The following TMTC2 variants were observed in gnomAD, a reference collection of about 807,000 sequenced individuals.
The protein encoded by TMTC2 is transmembrane O-mannosyltransferase targeting cadherins 2, also known as protein O-mannosyl-transferase TMTC2.
A neutral mutation model predicts 82.4 loss-of-function variants in TMTC2; 43 were observed. That is an observed-to-expected ratio of 0.52 (90% CI 0.41 to 0.67). The LOEUF (loss-of-function observed/expected upper bound fraction) is 0.67, where lower values mean the gene tolerates loss of function less well. Among genes scored for constraint, TMTC2 ranks in the 30% least tolerant of loss-of-function variants. The probability of loss-of-function intolerance (pLI) is 0.00; values close to 1 mark genes in which losing one functional copy is unlikely to be tolerated. For synonymous variants in TMTC2, 408 were observed against 381.9 expected (o/e 1.07, Z -0.80); for missense variants, 919 against 1,012.4 (o/e 0.91, Z 1.25).
chr12:82,704,222 A>G (rs542146051), intron 1 of TMTC2, among the ~76,000 whole-genome samples: 1 of 152,322 alleles, frequency 6.6e-6, no homozygotes, highest in African/African-American at 2.4e-5. Flanking sequence ...GCAGCATCTT[A>G]AGTTTAAATT....
At chr12:82,725,124 T>A (rs990476486) in intron 1 of TMTC2, among the ~76,000 whole-genome samples, 2 of 152,046 alleles carry the variant, frequency 1.3e-5, no homozygotes, top group African/African-American at 4.8e-5. Flanking sequence ...ACAGTGTTGA[T>A]TTTTAAAAAG....
intron 1 of TMTC2, among the ~76,000 whole-genome samples, chr12:82,821,661 AG>A (rs1869117405): frequency 6.6e-6 from 1 of 152,146 alleles, no homozygotes; most frequent in Non-Finnish European, 1.5e-5. Context: ...TCATGAGGTC[AG>A]GAGTTCAAGA....
chr12:82,885,069 C>CTTTT (rs572580486), intron 2 of TMTC2, among the ~76,000 whole-genome samples: 2 of 141,154 alleles, frequency 1.4e-5, no homozygotes, highest in African/African-American at 5.2e-5. Flanking sequence ...GATTTTTGTA[C>CTTTT]TTTTTTTTTT....
At chr12:83,086,274 C>T (rs1010211684) in intron 11 of TMTC2, among the ~76,000 whole-genome samples, 2 of 152,048 alleles carry the variant, frequency 1.3e-5, no homozygotes, top group South Asian at 2.1e-4. Context: ...AGGTGTTCCT[C>T]GCTTCTCAGA....
chr12:82,749,322 A>T (rs1176980798), intron 1 of TMTC2, among the ~76,000 whole-genome samples: 7 of 13,156 alleles, frequency 5.3e-4, no homozygotes, highest in African/African-American at 5.7e-4. Context: ...TACTTTAGAA[A>T]CTAATACTCA....
Position 83,117,056 on chromosome 12 carries a change from T to A in TMTC2, c.2332-15154T>A, listed in dbSNP as rs12322760. 3.7e-3 allele frequency among the ~76,000 whole-genome samples: 563 copies of A among 152,334 alleles called. 8 individuals carry two copies. The highest frequency in any genetic ancestry group is 0.013 in the African/African-American group (537 of 41,568). On this transcript the variant is annotated intron_variant, in intron 11 of 11. Transcript: ENST00000321196. ...TGTTCTCGTCTAGAATTTTTATACT[T>A]TCAGGTCTTAGGTTGAAGTCCTTAT... is the stretch of plus-strand genomic sequence containing the variant.
chr12:82,859,393 T>C (rs1382483108), intron 2 of TMTC2, among the ~76,000 whole-genome samples: 6 of 152,146 alleles, frequency 3.9e-5, no homozygotes, highest in East Asian at 1.9e-4. Flanking sequence ...ATTTCCATCT[T>C]ACCATCTCAT....
At chr12:82,778,804 C>G (rs1411676475) in intron 1 of TMTC2, among the ~76,000 whole-genome samples, 2 of 137,912 alleles carry the variant, frequency 1.5e-5, no homozygotes, top group African/African-American at 5.7e-5. Flanking sequence ...AGCCGAGATC[C>G]CGCCACTGCA....
chr12:83,108,979 A>G (rs1461331273), intron 11 of TMTC2, among the ~76,000 whole-genome samples: 1 of 152,170 alleles, frequency 6.6e-6, no homozygotes, highest in Non-Finnish European at 1.5e-5. Context: ...TGTTCACGTA[A>G]GATCCATTCC....
chr12:82,771,767 T>TA (rs1378865605), intron 1 of TMTC2, among the ~76,000 whole-genome samples: 6 of 152,094 alleles, frequency 3.9e-5, no homozygotes, highest in Non-Finnish European at 8.8e-5. Context: ...CCATTTAACT[T>TA]ATATGAATTT....
At chr12:82,767,086 T>C (rs1439929516) in intron 1 of TMTC2, among the ~76,000 whole-genome samples, 2 of 152,202 alleles carry the variant, frequency 1.3e-5, no homozygotes, top group African/African-American at 4.8e-5. Context: ...TACAAACATG[T>C]GAGGGCTCCT....
intron 7 of TMTC2, among the ~76,000 whole-genome samples, chr12:82,968,761 A>T (rs1878326893): frequency 1.3e-5 from 2 of 152,178 alleles, no homozygotes; most frequent in African/African-American, 4.8e-5. Flanking sequence ...ATATGGTTAC[A>T]CAGATGCTCA....
intron 9 of TMTC2, among the ~76,000 whole-genome samples, chr12:83,049,203 G>T (rs1008901696): frequency 6.6e-6 from 1 of 152,074 alleles, no homozygotes; most frequent in Non-Finnish European, 1.5e-5. Context: ...ACACGTGCAG[G>T]TTTGCTATGT....
intron 2 of TMTC2, among the ~76,000 whole-genome samples, chr12:82,879,934 G>A (rs1440923344): frequency 6.6e-6 from 1 of 152,174 alleles, no homozygotes; most frequent in Non-Finnish European, 1.5e-5. Context: ...TGGATGCCGG[G>A]ACTTCATCTG....
At chr12:82,846,355 CTT>C (rs946870828) in intron 1 of TMTC2, among the ~76,000 whole-genome samples, 2 of 151,686 alleles carry the variant, frequency 1.3e-5, no homozygotes, top group African/African-American at 2.4e-5. Context: ...GAGACTCTGT[CTT>C]TTTTTTAAAA....
intron 11 of TMTC2, among the ~76,000 whole-genome samples, chr12:83,097,608 G>A (rs1884073649): frequency 6.6e-6 from 1 of 151,942 alleles, no homozygotes; most frequent in Non-Finnish European, 1.5e-5. Context: ...TTATTAAAAA[G>A]GATTTTTATT....
At chr12:82,914,415 G>A (rs1429401952) in intron 3 of TMTC2, among the ~76,000 whole-genome samples, 1 of 152,010 alleles carries the variant, frequency 6.6e-6, no homozygotes, top group Non-Finnish European at 1.5e-5. Context: ...TTAACATATA[G>A]AAGTTAACAC....
chr12:83,123,905 C>T (rs1468408005), intron 11 of TMTC2, among the ~76,000 whole-genome samples: 1 of 152,138 alleles, frequency 6.6e-6, no homozygotes, highest in African/African-American at 2.4e-5. Flanking sequence ...ATCCCCTCTC[C>T]CCCACAGCTC....
intron 7 of TMTC2, among the ~76,000 whole-genome samples, chr12:82,976,901 A>T (rs1379791719): frequency 6.6e-6 from 1 of 152,092 alleles, no homozygotes; most frequent in African/African-American, 2.4e-5. Context: ...AAAATGTAAC[A>T]TCTAAATTCA....
Sources: allele counts gnomAD v4.1 joint callset (sites outside exome capture counted in the v4.1 genomes callset), GRCh38; gene constraint gnomAD v4.1.1; transcripts MANE v1.5; gene names NCBI Gene and HGNC (gene_info 2026-07-23, HGNC 2026-07-21).